The following NRXN1 variants were observed in gnomAD, a reference collection of about 807,000 sequenced individuals.
The protein encoded by NRXN1 is neurexin-1.
NRXN1 carries 39 observed loss-of-function variants against 150.9 expected under a neutral mutation model. That is an observed-to-expected ratio of 0.26 (90% confidence interval 0.20 to 0.34). The LOEUF is 0.34. Among genes scored for constraint, NRXN1 ranks in the 10% least tolerant of loss-of-function variants. The probability of loss-of-function intolerance (pLI) is 1.00; values close to 1 mark genes in which losing one functional copy is unlikely to be tolerated. For missense variants in NRXN1, 1,815 were observed against 1,949.9 expected, an observed-to-expected ratio of 0.93 and a Z score of 1.30; for synonymous variants, 924 against 757.0, an observed-to-expected ratio of 1.22 and a Z score of -3.62.
chr2:50,788,632 AC>A (rs1332382593), intron 5 of NRXN1, among the ~76,000 whole-genome samples: 34 of 152,028 alleles, frequency 2.2e-4, no homozygotes, highest in Admixed American at 6.6e-4. Flanking sequence ...AAAGAGAGAG[AC>A]AGAAACCCTT....
At chr2:50,291,819 C>A (rs531900300) in intron 17 of NRXN1, among the ~76,000 whole-genome samples, 2 of 152,226 alleles carry the variant, frequency 1.3e-5, no homozygotes, top group South Asian at 2.1e-4. Context: ...AACAAAGGGG[C>A]CTGCAAAGGA....
intron 17 of NRXN1, among the ~76,000 whole-genome samples, chr2:50,273,962 G>A (rs189204801): frequency 3.3e-5 from 5 of 152,258 alleles, no homozygotes; most frequent in Admixed American, 3.3e-4. Context: ...GTGGAAGACA[G>A]TGTGGCTATT....
chr2:49,925,538 T>G (rs914174154), intron 22 of NRXN1, among the ~76,000 whole-genome samples: 1 of 152,074 alleles, frequency 6.6e-6, no homozygotes, highest in African/African-American at 2.4e-5. Flanking sequence ...AAAATTTATA[T>G]AAAAGGTAAA....
chr2:50,347,018 G>A lies in NRXN1; in HGVS notation c.3365-110048C>T, dbSNP rs2078048946. On this transcript the variant is annotated intron_variant, in intron 17 of 22. Coordinates refer to ENST00000401669, the MANE Select transcript of NRXN1 (RefSeq NM_001330078.2). The surrounding 1 kb of genome is among the most constrained non-coding windows in gnomAD (Gnocchi z 4.9). ...TTGGGGCGCGGGGAGAGGAGAGGGCGCAGGGGAGCGGGCGGCGCGGAGTGG... is the reference window on the plus strand; with the variant it reads ...TTGGGGCGCGGGGAGAGGAGAGGGCACAGGGGAGCGGGCGGCGCGGAGTGG... 2 of 1,389,482 alleles carry A rather than the reference G, an allele frequency of 1.4e-6. No individual in the cohort carries two copies. The highest frequency in any genetic ancestry group is 3.7e-5 in the East Asian group (1 of 27,218). The allele number at this position is 1,389,482 out of a possible 1,614,324, so 86.1% of individuals were successfully genotyped here.
At chr2:50,010,616 C>T (rs1685495973) in intron 21 of NRXN1, among the ~76,000 whole-genome samples, 2 of 152,114 alleles carry the variant, frequency 1.3e-5, no homozygotes, top group South Asian at 4.1e-4. Context: ...GACTCAGACA[C>T]TGTAGCAGGC....
At chr2:50,398,492 C>T (rs1186515073) in intron 17 of NRXN1, among the ~76,000 whole-genome samples, 1 of 151,830 alleles carries the variant, frequency 6.6e-6, no homozygotes, top group African/African-American at 2.4e-5. Flanking sequence ...AGAAAAAAAA[C>T]AGTATTGTGG....
At position 50,745,637 on chromosome 2, in the gene NRXN1, GCATGCCTGGGGAGGCCTCAGAAAA is replaced by G. The variant is rs1327658668; in HGVS notation, c.833-122046_833-122023del. On this transcript the variant is annotated intron_variant, in intron 5 of 22. Transcript: ENST00000401669. Reference sequence around the variant, plus strand: ...AGAGGTTTAATTGATTCACAGATCAGCATGCCTGGGGAGGCCTCAGAAAACTTACAATCATGGTCGAAGGGGAAG... The same window carrying G: ...AGAGGTTTAATTGATTCACAGATCAGCTTACAATCATGGTCGAAGGGGAAG... Among the ~76,000 whole-genome samples, 5 of 152,190 alleles carry G rather than the reference GCATGCCTGGGGAGGCCTCAGAAAA, an allele frequency of 3.3e-5. No individual in the cohort carries two copies. The East Asian group carries it at 9.7e-4, about 30-fold the overall frequency.
intron 17 of NRXN1, among the ~76,000 whole-genome samples, chr2:50,277,328 C>G (rs1298337094): frequency 7.5e-6 from 1 of 133,684 alleles, no homozygotes; most frequent in African/African-American, 2.7e-5. Flanking sequence ...TGCTGGCTTT[C>G]CTAACAATGT....
intron 18 of NRXN1, among the ~76,000 whole-genome samples, chr2:50,213,267 A>G (rs1282340805): frequency 6.6e-6 from 1 of 151,998 alleles, no homozygotes; most frequent in Non-Finnish European, 1.5e-5. Context: ...GAAGTGAACC[A>G]GACAGACATA....
chr2:50,646,708 C>CTTTTTT (rs552231598), intron 5 of NRXN1, among the ~76,000 whole-genome samples: 13 of 107,404 alleles, frequency 1.2e-4, no homozygotes, highest in African/African-American at 2.1e-4. Flanking sequence ...TTCATGTTGT[C>CTTTTTT]TTTTTTTTTT....
chr2:50,836,482 C>G (rs189458407), intron 5 of NRXN1, among the ~76,000 whole-genome samples: 122 of 152,098 alleles, frequency 8.0e-4, no homozygotes, highest in African/African-American at 2.9e-3. Context: ...TGCCATCCAA[C>G]TCCCCACCTC....
At chr2:50,620,241 C>T (rs1679765734) in intron 7 of NRXN1, 58 bp from the exon 8 acceptor site, 2 of 1,516,384 alleles carry the variant, frequency 1.3e-6, no homozygotes, top group Non-Finnish European at 1.8e-6. Context: ...TACTGTAATC[C>T]TGGGATATGC....
rs77899877 is a variant in NRXN1, at chr2:50,566,589, G to A, written c.1321-13564C>T. Among the ~76,000 whole-genome samples the A allele has an allele frequency of 2.6e-4, 39 of 152,100 alleles. No individual in the cohort carries two copies. The East Asian group carries it at 6.6e-3, about 26-fold the overall frequency. The stretch of plus-strand genomic sequence containing the variant: ...ATATGAATCATTACAGCACCCAACA[G>A]CAACTGTCAAGCACCTTCTCTGTGT... On this transcript the variant is annotated intron_variant, in intron 8 of 22. Transcript: ENST00000401669.
At chr2:50,689,909 G>A (rs998369199) in intron 5 of NRXN1, among the ~76,000 whole-genome samples, 7 of 134,114 alleles carry the variant, frequency 5.2e-5, no homozygotes, top group East Asian at 2.5e-4. Context: ...TGTTTGAGAC[G>A]GAGTCTCGCT....
intron 18 of NRXN1, among the ~76,000 whole-genome samples, chr2:50,183,192 T>C (rs2152813542): frequency 6.6e-6 from 1 of 152,234 alleles, no homozygotes; most frequent in African/African-American, 2.4e-5. Flanking sequence ...TATCATTTAT[T>C]TTTTGTCTTA....
intron 5 of NRXN1, among the ~76,000 whole-genome samples, chr2:50,699,178 T>A (rs74444544): frequency 0.032 from 4,898 of 152,148 alleles, 104 homozygotes; most frequent in East Asian, 0.094. Flanking sequence ...TATGGGATGA[T>A]AAAGATTAAA....
At chr2:50,961,570 A>C (rs1463123383) in intron 2 of NRXN1, among the ~76,000 whole-genome samples, 1 of 151,862 alleles carries the variant, frequency 6.6e-6, no homozygotes, top group African/African-American at 2.4e-5. Flanking sequence ...AGTAATGGGG[A>C]ATACTTAAAT....
chr2:50,604,237 G>T (rs978825541), intron 8 of NRXN1, among the ~76,000 whole-genome samples: 6 of 152,138 alleles, frequency 3.9e-5, no homozygotes, highest in Admixed American at 6.6e-5. Flanking sequence ...GGGTGAAGTT[G>T]TTTCCCTTGC....
rs562978089 is a variant in NRXN1 at position 50,156,550 on chromosome 2, A to G, written c.3547-65056T>C. Reference sequence around the variant, plus strand: ...ATGTGGACACATTTTATAACTATAAAGCAATAATGTAAGTTTATTAAAAAG... The same window carrying G: ...ATGTGGACACATTTTATAACTATAAGGCAATAATGTAAGTTTATTAAAAAG... On this transcript the variant is annotated intron_variant, in intron 18 of 22. Coordinates refer to ENST00000401669, the MANE Select transcript of NRXN1 (RefSeq NM_001330078.2). Among the ~76,000 whole-genome samples the G allele has an allele frequency of 1.8e-4, 28 of 152,094 alleles. 1 individual carries two copies. The highest frequency in any genetic ancestry group is 2.7e-4 in the Non-Finnish European group (18 of 67,886).
Sources: allele counts gnomAD v4.1 joint callset (sites outside exome capture counted in the v4.1 genomes callset), GRCh38; gene constraint gnomAD v4.1.1; non-coding constraint Gnocchi (gnomAD v3.1); transcripts MANE v1.5; gene names NCBI Gene and HGNC (gene_info 2026-07-23, HGNC 2026-07-21).